AJM1: variants seen among roughly 807,000 people sequenced by gnomAD.
AJM1 encodes the protein uncharacterized protein C9orf172.
AJM1 carries 22 observed loss-of-function variants against 43.0 expected under a neutral mutation model. The ratio of observed to expected loss-of-function variants is 0.51; its 90% CI spans 0.37 to 0.73. AJM1 has a LOEUF of 0.73. AJM1 is among the 30% of genes least tolerant of loss of function. The pLI is 0.00. For synonymous variants in AJM1, 719 were observed against 638.3 expected, an observed-to-expected ratio of 1.13 and a Z score of -1.91; for missense variants, 1,305 against 1,343.3, an observed-to-expected ratio of 0.97 and a Z score of 0.45.
At position 136,845,183 on chromosome 9, in the gene AJM1, C is replaced by G; in HGVS notation, c.769C>G (p.Pro257Ala). Residue 257 changes from proline to alanine, a missense_variant, in exon 3 of 3, where the codon CCC becomes GCC. Coordinates refer to ENST00000436881, the MANE Select transcript of AJM1 (RefSeq NM_001080482.5). Reference protein sequence around the residue: ...ADPRAFYCDGPLPGPRDYAER... With the variant: ...ADPRAFYCDGALPGPRDYAER... The stretch of plus-strand genomic sequence containing the variant: ...TCCCCGGGCGTTCTACTGCGACGGG[C>G]CCCTGCCTGGGCCCCGGGACTACGC... 1 of 1,587,708 alleles carries G rather than the reference C, an allele frequency of 6.3e-7. No homozygotes were observed. Among genetic ancestry groups the G allele is most frequent in the South Asian group, 1.1e-5 (1 of 89,728 alleles).
chr9:136,844,807 C>A lies in AJM1; in HGVS notation c.393C>A (p.Arg131=). 1 of 221,460 alleles carries A rather than the reference C, an allele frequency of 4.5e-6. No homozygotes were observed. 13.7% of individuals were successfully genotyped at this position (221,460 alleles called of 1,614,324 possible). A position where few individuals can be genotyped will look rare whatever the true frequency, so the allele number is the denominator to read the frequency against. The change falls in exon 3 of 3, where the codon CGC becomes CGA. Residue 131 remains arginine (R), a synonymous_variant. Coordinates refer to ENST00000436881, the MANE Select transcript of AJM1 (RefSeq NM_001080482.5). Reference sequence around the variant, plus strand: ...CGGCGCGGGCCGAGGCATCGCCGCGCCGGGAGCCCGCGTACCCGGCGCTCC... The same window carrying A: ...CGGCGCGGGCCGAGGCATCGCCGCGACGGGAGCCCGCGTACCCGGCGCTCC... ...QRAARAEASP[R]REPAYPALRA...
In AJM1 at chr9:136,846,143, C is replaced by G; in HGVS notation, c.1729C>G (p.Leu577Val). 1 of 1,528,808 alleles carries G rather than the reference C, an allele frequency of 6.5e-7. No homozygotes were observed. Among genetic ancestry groups the G allele is most frequent in the Non-Finnish European group, 8.7e-7 (1 of 1,143,638 alleles). The allele number at this position is 1,528,808 out of a possible 1,614,324, so 94.7% of individuals were successfully genotyped here. Residue 577 changes from leucine to valine, a missense_variant, in exon 3 of 3, where the codon CTA becomes GTA. Physicochemically the swap from Leu to Val is conservative, Grantham distance 32. This residue lies in a region of AJM1 where 391 missense variants were observed against 507.5 expected (regional missense o/e 0.77). Transcript: ENST00000436881. Reference protein sequence around the residue: ...DGPTSGRQRSLEQLDELITDL... With the variant: ...DGPTSGRQRSVEQLDELITDL... ...CCCCACCTCTGGCCGCCAGCGGAGC[C>G]TAGAGCAGCTGGACGAGCTCATCAC...
intron 1 of AJM1, among the ~76,000 whole-genome samples, chr9:136,843,669 A>G (rs1848731761): frequency 6.6e-6 from 1 of 152,108 alleles, no homozygotes; most frequent in African/African-American, 2.4e-5. Flanking sequence ...CTCTGGGGGC[A>G]TTTTTCTGGC....
rs1050831442 is a variant in AJM1, at chr9:136,847,828, T to C, written c.*483T>C. The C allele has an allele frequency of 1.3e-5, 2 of 155,622 alleles. No individual in the cohort carries two copies. Among genetic ancestry groups the C allele is most frequent in the African/African-American group, 4.8e-5 (2 of 41,542 alleles). The allele number at this position is 155,622 out of a possible 1,614,324, so 9.6% of individuals were successfully genotyped here. A position where few individuals can be genotyped will look rare whatever the true frequency, so the allele number is the denominator to read the frequency against. ...CGCTGGAGCCTCCCCGACTCCGGTT[T>C]CCCCTCGTCCAGAAGCCCGACGTAA... On this transcript the variant is annotated 3_prime_UTR_variant, in exon 3 of 3. Coordinates refer to ENST00000436881, the MANE Select transcript of AJM1 (RefSeq NM_001080482.5).
chr9:136,844,573 C>A lies in AJM1; in HGVS notation c.159C>A (p.Phe53Leu), dbSNP rs1422664186. Reference protein sequence around the residue: ...APFNKRHCRSFDFLEALDGPA... With the variant: ...APFNKRHCRSLDFLEALDGPA... ...TCAACAAGCGCCACTGCCGCAGCTTCGACTTCCTGGAGGCGCTGGACGGGC... is the reference window on the plus strand; with the variant it reads ...TCAACAAGCGCCACTGCCGCAGCTTAGACTTCCTGGAGGCGCTGGACGGGC... The change falls in exon 3 of 3, where the codon TTC (phenylalanine) becomes TTA (leucine). Residue 53 changes from phenylalanine (F) to leucine (L), a missense_variant. By Grantham distance (22) the Phe-to-Leu change is conservative (BLOSUM62 0). Around this residue, in one of 6 missense-constraint regions of AJM1, gnomAD observed 128 missense variants for 120.6 expected, o/e 1.06. Transcript: ENST00000436881. 1 of 1,599,200 alleles carries A rather than the reference C, an allele frequency of 6.3e-7. No homozygotes were observed. Among genetic ancestry groups the A allele is most frequent in the Non-Finnish European group, 8.5e-7 (1 of 1,174,608 alleles).
At position 136,847,356 on chromosome 9, in the gene AJM1, C is replaced by T; in HGVS notation, c.*11C>T. 1.3e-6 allele frequency: 2 copies of T among 1,499,482 alleles called. No individual in the cohort carries two copies. The highest frequency in any genetic ancestry group is 1.3e-5 in the South Asian group (1 of 79,790). The allele number at this position is 1,499,482 out of a possible 1,614,324, so 92.9% of individuals were successfully genotyped here. Reference sequence around the variant, plus strand: ...GACGACATCATGTGAGGCGCCGGGCCCACCAGGCCTAGCCCAGGCGCTGGC... The same window carrying T: ...GACGACATCATGTGAGGCGCCGGGCTCACCAGGCCTAGCCCAGGCGCTGGC... On this transcript the variant is annotated 3_prime_UTR_variant, in exon 3 of 3. Transcript: ENST00000436881.
In AJM1 at chr9:136,844,497, A is replaced by G. The variant is rs766342014; in HGVS notation, c.83A>G (p.Lys28Arg). The G allele has an allele frequency of 5.0e-6, 8 of 1,610,520 alleles. No homozygotes were observed. The highest frequency in any genetic ancestry group is 1.3e-5 in the African/African-American group (1 of 74,888). ...IKVATPGPAS[K>R]CSPCERSVAR... ...GTGGCGACCCCGGGACCCGCGTCCA[A>G]GTGCTCGCCATGTGAGCGATCCGTG... Residue 28 changes from lysine to arginine, a missense_variant, in exon 3 of 3, where the codon AAG becomes AGG. Lys to Arg is a conservative substitution (Grantham distance 26). Transcript: ENST00000436881.
chr9:136,847,453 C>A lies in AJM1; in HGVS notation c.*108C>A. ...CCGCCCCCGAGCCCCGCCAGGGCCC[C>A]ACCCCGACTTCTTCTAGGCCCCGCC... On this transcript the variant is annotated 3_prime_UTR_variant, in exon 3 of 3. Transcript: ENST00000436881. 1.1e-6 allele frequency: 1 copy of A among 879,362 alleles called. No homozygotes were observed. Among genetic ancestry groups the A allele is most frequent in the Non-Finnish European group, 1.6e-6 (1 of 621,394 alleles). 54.5% of individuals were successfully genotyped at this position (879,362 alleles called of 1,614,324 possible). A position where few individuals can be genotyped will look rare whatever the true frequency, so the allele number is the denominator to read the frequency against.
At chr9:136,843,296 TCA>T (rs1401241586) in intron 1 of AJM1, among the ~76,000 whole-genome samples, 9 of 152,182 alleles carry the variant, frequency 5.9e-5, no homozygotes, top group Non-Finnish European at 1.0e-4. Context: ...GGCTCTGGGA[TCA>T]CAGAGGGGTT....
Position 136,845,393 on chromosome 9 carries a change from T to C in AJM1, c.979T>C (p.Tyr327His). ...CAGTCCAAGGCGCATGGGCGGCTAC[T>C]ACGCAGGAGAGGTGCGCACCTTCCC... The part of the protein sequence containing the change: ...GPSPRRMGGY[Y>H]AGEVRTFPIQ... Residue 327 changes from tyrosine to histidine, a missense_variant, in exon 3 of 3, where the codon TAC (tyrosine) becomes CAC (histidine). Transcript: ENST00000436881. 1.9e-6 allele frequency: 3 copies of C among 1,612,334 alleles called. No individual in the cohort carries two copies. The highest frequency in any genetic ancestry group is 8.5e-7 in the Non-Finnish European group (1 of 1,179,772).
At chr9:136,842,647 C>T (rs1848718579) in intron 1 of AJM1, among the ~76,000 whole-genome samples, 58 bp downstream of exon 1, 1 of 152,076 alleles carries the variant, frequency 6.6e-6, no homozygotes, top group African/African-American at 2.4e-5. Context: ...GGGGAAGCTG[C>T]CTTAGGGCAG....
chr9:136,846,282 C>A lies in AJM1; in HGVS notation c.1868C>A (p.Ala623Asp), dbSNP rs112144236. 7.3e-3 allele frequency: 8,817 copies of A among 1,202,082 alleles called. 45 individuals are homozygous for A. Among genetic ancestry groups the A allele is most frequent in the Non-Finnish European group, 8.4e-3 (8,013 of 956,698 alleles). The allele number at this position is 1,202,082 out of a possible 1,614,324, so 74.5% of individuals were successfully genotyped here. A position where few individuals can be genotyped will look rare whatever the true frequency, so the allele number is the denominator to read the frequency against. ...LLDSRPAGSG[A>D]PALAPPRSPP... is the part of the protein sequence containing the mutation. ...GACTCGCGGCCCGCGGGCTCCGGGG[C>A]CCCCGCGCTGGCGCCGCCACGCTCG... is the stretch of plus-strand genomic sequence containing the variant. The change falls in exon 3 of 3, where the codon GCC (alanine) becomes GAC (aspartate). Residue 623 changes from alanine (A) to aspartate (D), a missense_variant. Transcript: ENST00000436881.
chr9:136,847,256 C>T lies in AJM1; in HGVS notation c.2842C>T (p.Arg948Cys), dbSNP rs1325784263. 1.3e-6 allele frequency: 2 copies of T among 1,599,190 alleles called. No individual in the cohort carries two copies. Among genetic ancestry groups the T allele is most frequent in the East Asian group, 2.3e-5 (1 of 44,128 alleles). ...CTACCCCACGGACCGGCGCACCGGC[C>T]GCCCCTTCATGTGCATGATCATGGC... ...TIYPTDRRTG[R>C]PFMCMIMAAS... is the part of the protein sequence containing the mutation. Residue 948 changes from arginine (R) to cysteine (C), a missense_variant, in exon 3 of 3, where the codon CGC becomes TGC. Arg to Cys is a radical substitution (Grantham distance 180). Transcript: ENST00000436881.
At chr9:136,843,683 GGGC>G in intron 1 of AJM1, among the ~76,000 whole-genome samples, 1 of 152,326 alleles carries the variant, frequency 6.6e-6, no homozygotes, top group South Asian at 2.1e-4. Context: ...TTCTGGCCTG[GGGC>G]TCGCGGGAAG....
chr9:136,847,029 C>A lies in AJM1; in HGVS notation c.2615C>A (p.Thr872Lys). The change falls in exon 3 of 3, where the codon ACG becomes AAG. Residue 872 changes from threonine (T) to lysine (K), a missense_variant. Physicochemically the swap from Thr to Lys is moderately conservative, Grantham distance 78. This residue lies in a region of AJM1 where 391 missense variants were observed against 507.5 expected (regional missense o/e 0.77). Coordinates refer to ENST00000436881, the MANE Select transcript of AJM1 (RefSeq NM_001080482.5). ...CGGAGCCGCGAGCCCGACATGGAGA[C>A]GCTGATCCTGACGCCACCGCCGGGC... ...PARSREPDME[T>K]LILTPPPGTA... is the part of the protein sequence containing the mutation. 1.5e-6 allele frequency: 2 copies of A among 1,317,518 alleles called. No homozygotes were observed. The highest frequency in any genetic ancestry group is 2.0e-6 in the Non-Finnish European group (2 of 985,256). 81.6% of individuals were successfully genotyped at this position (1,317,518 alleles called of 1,614,324 possible). A position where few individuals can be genotyped will look rare whatever the true frequency, so the allele number is the denominator to read the frequency against.
At chr9:136,843,673 T>A (rs1848731792) in intron 1 of AJM1, among the ~76,000 whole-genome samples, 1 of 152,218 alleles carries the variant, frequency 6.6e-6, no homozygotes, top group Non-Finnish European at 1.5e-5. Context: ...GGGGGCATTT[T>A]TCTGGCCTGG....
rs565217311 is a variant in AJM1, at chr9:136,845,722, C to A, written c.1308C>A (p.Pro436=). The A allele has an allele frequency of 6.2e-4, 975 of 1,563,052 alleles. 10 individuals carry two copies. The African/African-American group carries it at 0.012, about 20-fold the overall frequency. The change falls in exon 3 of 3, where the codon CCC becomes CCA. Residue 436 remains proline, a synonymous_variant. Transcript: ENST00000436881. ...ACGGCGGCACCGGCACCAGTCCGCCCCGGCTGGCCACCGACAGCCGCCACT... is the reference window on the plus strand; with the variant it reads ...ACGGCGGCACCGGCACCAGTCCGCCACGGCTGGCCACCGACAGCCGCCACT... ...SWHGGTGTSP[P]RLATDSRHYS...
chr9:136,843,189 C>G (rs1037835489), intron 1 of AJM1, among the ~76,000 whole-genome samples: 1 of 152,222 alleles, frequency 6.6e-6, no homozygotes, highest in Non-Finnish European at 1.5e-5. Context: ...GGCCAGGTAC[C>G]CGCTTTCCCC....
Position 136,847,018 on chromosome 9 carries a change from C to G in AJM1, c.2604C>G (p.Pro868=), listed in dbSNP as rs907436648. 404 of 1,264,804 alleles carry G rather than the reference C, an allele frequency of 3.2e-4. No individual in the cohort carries two copies. The highest frequency in any genetic ancestry group is 4.1e-4 in the Non-Finnish European group (390 of 954,382). The allele number at this position is 1,264,804 out of a possible 1,614,324, so 78.3% of individuals were successfully genotyped here. ...ARPPPARSRE[P]DMETLILTPP... ...CGCCCCCGGCGCGGAGCCGCGAGCC[C>G]GACATGGAGACGCTGATCCTGACGC... Residue 868 remains proline (P), a synonymous_variant, in exon 3 of 3, where the codon CCC becomes CCG. Coordinates refer to ENST00000436881, the MANE Select transcript of AJM1 (RefSeq NM_001080482.5).
Sources: allele counts gnomAD v4.1 joint callset (sites outside exome capture counted in the v4.1 genomes callset), GRCh38; gene constraint gnomAD v4.1.1; regional missense constraint gnomAD v4.1.1; transcripts MANE v1.5; gene names NCBI Gene and HGNC (gene_info 2026-07-23, HGNC 2026-07-21).